The following ABHD4 variants were observed in gnomAD, a reference collection of about 807,000 sequenced individuals.
The protein encoded by ABHD4 is (Lyso)-N-acylphosphatidylethanolamine lipase.
In ABHD4, 35 loss-of-function variants were observed where a neutral mutation model predicts 42.3. The observed-to-expected ratio is 0.83, with a 90% CI of 0.63 to 1.10. The LOEUF (loss-of-function observed/expected upper bound fraction) is 1.10. ABHD4 is among the 50% of genes least tolerant of loss of function. ABHD4 has a pLI of 0.00. For missense variants in ABHD4, 389 were observed against 454.8 expected (o/e 0.86, Z 1.32); for synonymous variants, 169 against 170.6 (o/e 0.99, Z 0.07).
intron 6 of ABHD4, among the ~76,000 whole-genome samples, chr14:22,610,133 C>G (rs1278966611): frequency 6.6e-6 from 1 of 152,062 alleles, no homozygotes; most frequent in East Asian, 1.9e-4. Flanking sequence ...TCTCGGCTCA[C>G]TGCAACCTCC....
intron 1 of ABHD4, 51 bp from the exon 2 acceptor site, chr14:22,601,616 C>T: frequency 6.6e-7 from 1 of 1,523,850 alleles, no homozygotes. Context: ...CTAAGAGCAT[C>T]AATGTTTCTT....
At chr14:22,598,398 G>A in intron 1 of ABHD4, 69 bp downstream of exon 1, 1 of 1,551,268 alleles carries the variant, frequency 6.4e-7, no homozygotes, top group Non-Finnish European at 8.7e-7. Flanking sequence ...GACTGTCTGT[G>A]GCTGAGGAAC....
Position 22,611,041 on chromosome 14 carries a change from A to G in ABHD4, c.*93A>G. On this transcript the variant is annotated 3_prime_UTR_variant, in exon 7 of 7. Coordinates refer to ENST00000428304, the MANE Select transcript of ABHD4 (RefSeq NM_022060.3). ...CCACTCTGTCCTTTCCTCACCAACT[A>G]ACATGTGCCAGCCAGGCAGAGTCTT... is the stretch of plus-strand genomic sequence containing the variant. 9.0e-7 allele frequency: 1 copy of G among 1,114,440 alleles called. No homozygotes were observed. The highest frequency in any genetic ancestry group is 1.3e-6 in the Non-Finnish European group (1 of 747,488). The allele number at this position is 1,114,440 out of a possible 1,614,324, so 69.0% of individuals were successfully genotyped here. A position where few individuals can be genotyped will look rare whatever the true frequency, so the allele number is the denominator to read the frequency against.
chr14:22,600,215 G>A (rs2037266330), intron 1 of ABHD4: 2 of 455,520 alleles, frequency 4.4e-6, no homozygotes, highest in Non-Finnish European at 8.8e-6. Flanking sequence ...TGCTAAAATT[G>A]GAACTCTGGC....
Position 22,603,940 on chromosome 14 carries a change from C to G in ABHD4, c.501C>G (p.Ile167Met), listed in dbSNP as rs2037317428. ...TTTAACATAGAGTTAAACACCTCATCCTGGTGGACCCATGGGGCTTTCCCC... is the reference window on the plus strand; with the variant it reads ...TTTAACATAGAGTTAAACACCTCATGCTGGTGGACCCATGGGGCTTTCCCC... ...IKYPDRVKHLILVDPWGFPLR... is the reference protein window; with the variant it reads ...IKYPDRVKHLMLVDPWGFPLR... The change falls in exon 4 of 7, where the codon ATC (isoleucine) becomes ATG (methionine). Residue 167 changes from isoleucine to methionine, a missense_variant. Around this residue, in one of 3 missense-constraint regions of ABHD4, gnomAD observed 249 missense variants for 254.4 expected, o/e 0.98. Coordinates refer to ENST00000428304, the MANE Select transcript of ABHD4 (RefSeq NM_022060.3). 6.2e-7 allele frequency: 1 copy of G among 1,614,206 alleles called. No individual in the cohort carries two copies. Among genetic ancestry groups the G allele is most frequent in the Non-Finnish European group, 8.5e-7 (1 of 1,180,022 alleles).
intron 6 of ABHD4, 42 bp from the exon 7 acceptor site, chr14:22,610,817 G>T: frequency 6.6e-7 from 1 of 1,524,864 alleles, no homozygotes; most frequent in South Asian, 1.1e-5. Flanking sequence ...CCAGCACCAG[G>T]AATAAAAGGC....
At chr14:22,601,573 T>C in intron 1 of ABHD4, 94 bp from the exon 2 acceptor site, 1 of 1,212,794 alleles carries the variant, frequency 8.2e-7, no homozygotes, top group Non-Finnish European at 1.2e-6. Context: ...AACACCCTGC[T>C]TCCTGAGAAC....
rs990747361 is a variant in ABHD4 at position 22,611,104 on chromosome 14, C to T, written c.*156C>T. Reference sequence around the variant, plus strand: ...GAACAGGACGACAGTGAAAAGAACACTCTTGACCCTACACTGAAGGCTGAA... The same window carrying T: ...GAACAGGACGACAGTGAAAAGAACATTCTTGACCCTACACTGAAGGCTGAA... On this transcript the variant is annotated 3_prime_UTR_variant, in exon 7 of 7. Transcript: ENST00000428304. 54 of 670,392 alleles carry T rather than the reference C, an allele frequency of 8.1e-5. No individual in the cohort carries two copies. The African/African-American group carries it at 8.2e-4, about 10-fold the overall frequency. 41.5% of individuals were successfully genotyped at this position (670,392 alleles called of 1,614,324 possible). A position where few individuals can be genotyped will look rare whatever the true frequency, so the allele number is the denominator to read the frequency against.
Position 22,603,484 on chromosome 14 carries a change from C to A in ABHD4, c.207C>A (p.Thr69=), listed in dbSNP as rs777764735. The A allele has an allele frequency of 6.2e-7, 1 of 1,614,146 alleles. No individual in the cohort carries two copies. The highest frequency in any genetic ancestry group is 8.5e-7 in the Non-Finnish European group (1 of 1,180,028). Residue 69 remains threonine, a synonymous_variant, in exon 3 of 7, where the codon ACC becomes ACA. Transcript: ENST00000428304. ...VTVSPEQNDR[T]PLVMVHGFGG... is the part of the protein sequence containing the mutation. ...TGAGCCCCGAGCAAAACGACCGCAC[C>A]CCCTTGGTGATGGTGCATGGTTTTG...
At chr14:22,598,367 C>G in intron 1 of ABHD4, 38 bp downstream of exon 1, 1 of 1,551,666 alleles carries the variant, frequency 6.4e-7, no homozygotes, top group Non-Finnish European at 8.7e-7. Flanking sequence ...TTCTCTCTCT[C>G]TCTCTGGGCC....
rs2037425938 is a variant in ABHD4, at chr14:22,612,446, C to T, written c.*1498C>T. The T allele has an allele frequency of 6.6e-6, 1 of 152,142 alleles. No homozygotes were observed. The highest frequency in any genetic ancestry group is 1.5e-5 in the Non-Finnish European group (1 of 68,054). The allele number at this position is 152,142 out of a possible 1,614,324, so 9.4% of individuals were successfully genotyped here. ...GTGTGATGCCTGAGAGAAGGGAGTCCTGAGGGTTGCCTGCCTACCCACGAC... is the reference window on the plus strand; with the variant it reads ...GTGTGATGCCTGAGAGAAGGGAGTCTTGAGGGTTGCCTGCCTACCCACGAC... On this transcript the variant is annotated 3_prime_UTR_variant, in exon 7 of 7. Coordinates refer to ENST00000428304, the MANE Select transcript of ABHD4 (RefSeq NM_022060.3).
At chr14:22,599,982 A>C (rs534635710) in intron 1 of ABHD4, 99 of 291,356 alleles carry the variant, frequency 3.4e-4, no homozygotes, top group Middle Eastern at 1.3e-3. Flanking sequence ...GCTACTTGCA[A>C]AACACTGGGA....
intron 2 of ABHD4, among the ~76,000 whole-genome samples, chr14:22,603,048 G>A (rs1003841522): frequency 5.9e-5 from 9 of 152,154 alleles, no homozygotes; most frequent in Admixed American, 1.3e-4. Flanking sequence ...CAAAGGTGAG[G>A]GATGAGGAAC....
intron 4 of ABHD4, 152 bp from the exon 5 acceptor site, chr14:22,606,270 C>T: frequency 3.2e-6 from 2 of 621,490 alleles, no homozygotes; most frequent in Non-Finnish European, 5.7e-6. Flanking sequence ...GATTCCTGCA[C>T]TCTTTCTGCC....
intron 6 of ABHD4, 62 bp downstream of exon 6, chr14:22,609,972 G>A (rs946560025): frequency 1.3e-6 from 2 of 1,491,276 alleles, no homozygotes; most frequent in Admixed American, 3.7e-5. Flanking sequence ...CTCAGCCTTG[G>A]GGTAGAGAAG....
chr14:22,598,658 G>A, intron 1 of ABHD4: 1 of 502,426 alleles, frequency 2.0e-6, no homozygotes, highest in Non-Finnish European at 3.5e-6. Flanking sequence ...GCAAGCTTGT[G>A]GGACGCGGGT....
At chr14:22,606,325 T>C in intron 4 of ABHD4, 97 bp from the exon 5 acceptor site, 1 of 783,842 alleles carries the variant, frequency 1.3e-6, no homozygotes, top group Non-Finnish European at 2.2e-6. Context: ...TTAGGAGAAA[T>C]AAGGTTTAGT....
chr14:22,610,754 C>G, intron 6 of ABHD4, 105 bp from the exon 7 acceptor site: 1 of 850,360 alleles, frequency 1.2e-6, no homozygotes, highest in South Asian at 1.4e-5. Context: ...GATAAGAGCT[C>G]GTGGGTGGCA....
chr14:22,609,177 T>C (rs1033119861), intron 5 of ABHD4, among the ~76,000 whole-genome samples: 4 of 151,650 alleles, frequency 2.6e-5, no homozygotes, highest in Non-Finnish European at 5.9e-5. Context: ...TTTGTATTTT[T>C]AGTAGAGACA....
Sources: gnomAD v4.1 joint callset for allele counts (sites outside exome capture counted in the v4.1 genomes callset) on GRCh38, gnomAD v4.1.1 for gene constraint, gnomAD v4.1.1 regional missense constraint, MANE v1.5 for transcripts, NCBI Gene and HGNC (gene_info 2026-07-23, HGNC 2026-07-21) for gene names.